Variants in CEMIP2 observed in about 807,000 individuals in gnomAD.
The protein encoded by CEMIP2 is cell surface hyaluronidase CEMIP2.
A neutral mutation model predicts 146.9 loss-of-function variants in CEMIP2; 79 were observed. The observed-to-expected ratio is 0.54, with a 90% CI of 0.45 to 0.65. CEMIP2 has a LOEUF of 0.65. CEMIP2 is among the 30% of genes least tolerant of loss of function. CEMIP2 has a pLI of 0.00. For synonymous variants in CEMIP2, 601 were observed against 606.3 expected (o/e 0.99, Z 0.13); for missense variants, 1,596 against 1,696.2 (o/e 0.94, Z 1.04).
chr9:71,731,607 T>C (rs1823618734), intron 7 of CEMIP2, among the ~76,000 whole-genome samples: 1 of 152,034 alleles, frequency 6.6e-6, no homozygotes, highest in Admixed American at 6.6e-5. Context: ...GGTGTACACC[T>C]GTAGTCCCAG....
chr9:71,753,236 A>G (rs1370561684), intron 1 of CEMIP2, among the ~76,000 whole-genome samples: 1 of 151,402 alleles, frequency 6.6e-6, no homozygotes, highest in African/African-American at 2.4e-5. Context: ...ATCATCTGAT[A>G]CCTTATTGTT....
chr9:71,736,417 T>C (rs1021652000), intron 5 of CEMIP2, among the ~76,000 whole-genome samples: 1 of 152,224 alleles, frequency 6.6e-6, no homozygotes, highest in African/African-American at 2.4e-5. Flanking sequence ...GTTTGTGGTA[T>C]GTATCCACGG....
At chr9:71,686,178 C>T (rs1003651878) in intron 22 of CEMIP2, 1 of 226,870 alleles carries the variant, frequency 4.4e-6, no homozygotes, top group South Asian at 7.6e-5. Context: ...AGCAGGCGAG[C>T]GAAGCTTCAT....
chr9:71,764,983 T>C (rs1824747079), intron 1 of CEMIP2, among the ~76,000 whole-genome samples: 1 of 152,004 alleles, frequency 6.6e-6, no homozygotes, highest in Admixed American at 6.6e-5. Context: ...AGGGCTAGCT[T>C]GGCTTGGGAG....
At chr9:71,725,455 C>T (rs1823354991) in intron 11 of CEMIP2, 126 bp downstream of exon 11, 1 of 1,034,750 alleles carries the variant, frequency 9.7e-7, no homozygotes, top group East Asian at 2.6e-5. Context: ...AATTGCTGCT[C>T]ATTATAAGTT....
chr9:71,700,097 C>A (rs983552145), intron 19 of CEMIP2, among the ~76,000 whole-genome samples: 1 of 152,146 alleles, frequency 6.6e-6, no homozygotes, highest in Non-Finnish European at 1.5e-5. Flanking sequence ...CCTACCATAG[C>A]CCACAGGCTG....
chr9:71,729,516 G>A (rs1266494491), intron 10 of CEMIP2, among the ~76,000 whole-genome samples: 1 of 151,948 alleles, frequency 6.6e-6, no homozygotes, highest in Non-Finnish European at 1.5e-5. Flanking sequence ...CTACTCAGGA[G>A]GCTGAGGCAG....
Position 71,709,253 on chromosome 9 carries a change from G to A in CEMIP2, c.2985+6C>T. On this transcript the variant is annotated splice_donor_region_variant and intron_variant, in intron 17 of 23. Transcript: ENST00000377044. ...AACTTGAGCATTATACATTTGCTAA[G>A]CCTACCTGTGCATAGGTCCCACTGC... 1 of 1,613,916 alleles carries A rather than the reference G, an allele frequency of 6.2e-7. No individual in the cohort carries two copies.
rs1021190251 is a variant in CEMIP2 at position 71,685,123 on chromosome 9, C to A, written c.*74G>T. The stretch of plus-strand genomic sequence containing the variant: ...AATGGTTCCGTTGGGTTAACAGTGT[C>A]ATTTTAAAATGCCATAAATTAAATA... On this transcript the variant is annotated 3_prime_UTR_variant, in exon 24 of 24. Transcript: ENST00000377044. 61 of 1,396,392 alleles carry A rather than the reference C, an allele frequency of 4.4e-5. No individual in the cohort carries two copies. In the African/African-American group the frequency reaches 7.8e-4, roughly 18 times the overall value. 86.5% of individuals were successfully genotyped at this position (1,396,392 alleles called of 1,614,324 possible).
chr9:71,716,313 T>C lies in CEMIP2; in HGVS notation c.2435+204A>G, dbSNP rs997468283. ...TTATCCTTCTGTGAAATTCCAGCTA[T>C]ATTAACCTAGTACTTTGCTATGAAT... On this transcript the variant is annotated intron_variant, in intron 14 of 23. Transcript: ENST00000377044. 2.0e-5 allele frequency among the ~76,000 whole-genome samples: 3 copies of C among 151,574 alleles called. No individual in the cohort carries two copies. Among genetic ancestry groups the C allele is most frequent in the Non-Finnish European group, 4.4e-5 (3 of 67,954 alleles).
intron 19 of CEMIP2, 48 bp downstream of exon 19, chr9:71,700,594 T>C: frequency 6.5e-7 from 1 of 1,528,030 alleles, no homozygotes; most frequent in Non-Finnish European, 8.8e-7. Context: ...AATTTCACCA[T>C]TAAAGAAAAA....
chr9:71,690,334 T>C, intron 21 of CEMIP2, 88 bp from the exon 22 acceptor site: 1 of 1,440,862 alleles, frequency 6.9e-7, no homozygotes, highest in Non-Finnish European at 9.4e-7. Context: ...TCCCTGTGTC[T>C]TCTAAACCCA....
intron 6 of CEMIP2, among the ~76,000 whole-genome samples, chr9:71,734,528 C>A (rs1439313900): frequency 6.6e-6 from 1 of 152,108 alleles, no homozygotes; most frequent in Non-Finnish European, 1.5e-5. Flanking sequence ...TAGAAAAGAC[C>A]TTGGAAAATC....
intron 7 of CEMIP2, 191 bp from the exon 8 acceptor site, chr9:71,731,105 G>A (rs1222610937): frequency 8.3e-6 from 5 of 604,140 alleles, no homozygotes; most frequent in Non-Finnish European, 1.5e-5. Flanking sequence ...ATACTTTAAA[G>A]AGCCACAAAA....
intron 1 of CEMIP2, among the ~76,000 whole-genome samples, chr9:71,755,144 A>G (rs1238932122): frequency 6.6e-6 from 1 of 151,768 alleles, no homozygotes; most frequent in East Asian, 1.9e-4. Flanking sequence ...AAACATAGAA[A>G]GCAATTATTT....
intron 10 of CEMIP2, among the ~76,000 whole-genome samples, chr9:71,729,605 G>A (rs1029859477): frequency 2.2e-4 from 34 of 151,172 alleles, no homozygotes; most frequent in South Asian, 6.4e-4. Context: ...GCAACAGACC[G>A]GGACTCTGTC....
At chr9:71,768,901 C>CGGGA, upstream of CEMIP2, 1 of 4,556 alleles carries the variant, frequency 2.2e-4, no homozygotes, top group African/African-American at 1.5e-3. Flanking sequence ...GTGGATTGGG[C>CGGGA]GGGCGGGCGG....
chr9:71,745,244 T>G lies in CEMIP2; in HGVS notation c.808A>C (p.Arg270=). Reference sequence around the variant, plus strand: ...TTGGCCGTGTCTTGGTCAATGACCCTCACATTGAGGCCCCGGGAAAAGTCC... The same window carrying G: ...TTGGCCGTGTCTTGGTCAATGACCCGCACATTGAGGCCCCGGGAAAAGTCC... ...EKDFSRGLNV[R]VIDQDTAKIL... is the part of the protein sequence containing the mutation. The change falls in exon 4 of 24, where the codon AGG becomes CGG. Residue 270 remains arginine (R), a synonymous_variant. Coordinates refer to ENST00000377044, the MANE Select transcript of CEMIP2 (RefSeq NM_013390.3). 6.2e-7 allele frequency: 1 copy of G among 1,614,118 alleles called. No individual in the cohort carries two copies. The highest frequency in any genetic ancestry group is 1.3e-5 in the African/African-American group (1 of 75,042).
At chr9:71,696,583 C>A (rs1400227205) in intron 20 of CEMIP2, among the ~76,000 whole-genome samples, 4 of 151,848 alleles carry the variant, frequency 2.6e-5, no homozygotes, top group Non-Finnish European at 4.4e-5. Context: ...CTGGCCTGGG[C>A]GATATGGCAA....
Sources: allele counts gnomAD v4.1 joint callset (sites outside exome capture counted in the v4.1 genomes callset), GRCh38; gene constraint gnomAD v4.1.1; transcripts MANE v1.5; gene names NCBI Gene and HGNC (gene_info 2026-07-23, HGNC 2026-07-21).